Variants in SLC10A7 observed in about 807,000 individuals in gnomAD.
SLC10A7 encodes the protein sodium/bile acid cotransporter 7.
In SLC10A7, 29 loss-of-function variants were observed where a neutral mutation model predicts 43.2. The ratio of observed to expected loss-of-function variants is 0.67; its 90% CI spans 0.50 to 0.92. SLC10A7 has a LOEUF of 0.92. SLC10A7 is among the 40% of genes least tolerant of loss of function. The pLI is 0.00. For synonymous variants in SLC10A7, 152 were observed against 144.8 expected (o/e 1.05, Z -0.35); for missense variants, 295 against 403.2 (o/e 0.73, Z 2.30).
intron 2 of SLC10A7, among the ~76,000 whole-genome samples, chr4:146,511,475 C>T (rs1737456153): frequency 6.6e-6 from 1 of 152,168 alleles, no homozygotes; most frequent in Admixed American, 6.6e-5. Context: ...GATCCTCAGC[C>T]TCAGGGACAT....
intron 5 of SLC10A7, among the ~76,000 whole-genome samples, chr4:146,330,637 C>T (rs1002561895): frequency 3.3e-5 from 5 of 152,122 alleles, no homozygotes; most frequent in African/African-American, 4.8e-5. Flanking sequence ...GGGAAGTCAT[C>T]GCAATTATTA....
intron 4 of SLC10A7, among the ~76,000 whole-genome samples, chr4:146,479,636 G>C (rs1424084281): frequency 6.6e-6 from 1 of 152,060 alleles, no homozygotes; most frequent in Non-Finnish European, 1.5e-5. Context: ...GAGACCAGTT[G>C]TTTAATGAAT....
intron 6 of SLC10A7, among the ~76,000 whole-genome samples, chr4:146,325,681 G>A (rs369785784): frequency 1.3e-3 from 195 of 152,200 alleles, no homozygotes; most frequent in African/African-American, 4.4e-3. Context: ...AAAGAGCAGC[G>A]CAGTTTTTGT....
chr4:146,295,290 A>T (rs1490730130), intron 7 of SLC10A7, among the ~76,000 whole-genome samples: 1 of 152,178 alleles, frequency 6.6e-6, no homozygotes, highest in Non-Finnish European at 1.5e-5. Context: ...TACAGGTACA[A>T]AATCCTGAAG....
chr4:146,355,332 C>T (rs1560828750), intron 5 of SLC10A7, among the ~76,000 whole-genome samples: 2 of 152,138 alleles, frequency 1.3e-5, no homozygotes, highest in South Asian at 2.1e-4. Flanking sequence ...ATCAAAACCA[C>T]TATGAGATAT....
At chr4:146,485,018 A>G (rs1333772566) in intron 4 of SLC10A7, among the ~76,000 whole-genome samples, 1 of 152,228 alleles carries the variant, frequency 6.6e-6, no homozygotes, top group Non-Finnish European at 1.5e-5. Context: ...AACAAACTGT[A>G]TAGACCAATG....
chr4:146,422,866 C>G (rs1729056621), intron 5 of SLC10A7, among the ~76,000 whole-genome samples: 1 of 152,056 alleles, frequency 6.6e-6, no homozygotes, highest in Non-Finnish European at 1.5e-5. Flanking sequence ...GGGAGGTCTT[C>G]CCAACCGCCC....
At chr4:146,256,701 G>A in intron 11 of SLC10A7, 181 bp from the exon 12 acceptor site, 1 of 969,148 alleles carries the variant, frequency 1.0e-6, no homozygotes, top group Non-Finnish European at 1.5e-6. Context: ...TCTCTGGCCA[G>A]CAGACTTTGT....
intron 9 of SLC10A7, 142 bp from the exon 10 acceptor site, chr4:146,283,407 A>G: frequency 1.5e-6 from 1 of 652,736 alleles, no homozygotes; most frequent in Non-Finnish European, 2.7e-6. Flanking sequence ...CCAAATGTAC[A>G]GAAGTGTCTG....
intron 10 of SLC10A7, among the ~76,000 whole-genome samples, chr4:146,280,407 A>AG (rs1330789433): frequency 3.3e-5 from 5 of 152,158 alleles, no homozygotes; most frequent in Admixed American, 3.3e-4. Flanking sequence ...ATTTCCATGC[A>AG]GGGATGTTGA....
intron 4 of SLC10A7, among the ~76,000 whole-genome samples, chr4:146,498,576 T>G (rs1443372416): frequency 2.0e-5 from 3 of 152,132 alleles, no homozygotes; most frequent in Non-Finnish European, 2.9e-5. Context: ...TAAATAACAA[T>G]CACAAATAAG....
intron 4 of SLC10A7, among the ~76,000 whole-genome samples, chr4:146,448,436 T>C (rs1731300815): frequency 6.6e-6 from 1 of 152,078 alleles, no homozygotes; most frequent in Non-Finnish European, 1.5e-5. Context: ...TCTCATCCCT[T>C]TTATAAATGC....
At chr4:146,442,672 A>C in intron 5 of SLC10A7, 111 bp downstream of exon 5, 4 of 1,522,320 alleles carry the variant, frequency 2.6e-6, no homozygotes, top group Non-Finnish European at 3.5e-6. Context: ...AAGATTCAAC[A>C]ATTTTTATAC....
At chr4:146,424,437 G>T (rs1729177892) in intron 5 of SLC10A7, among the ~76,000 whole-genome samples, 1 of 152,110 alleles carries the variant, frequency 6.6e-6, no homozygotes, top group Non-Finnish European at 1.5e-5. Flanking sequence ...AAGGCAGGCG[G>T]ACCACCTGAG....
chr4:146,401,257 C>T (rs1419035296), intron 5 of SLC10A7, among the ~76,000 whole-genome samples: 1 of 152,134 alleles, frequency 6.6e-6, no homozygotes. Flanking sequence ...CCCTTAGTAA[C>T]CCTTAGTGCT....
At chr4:146,341,660 C>A (rs1734271231) in intron 5 of SLC10A7, among the ~76,000 whole-genome samples, 1 of 151,714 alleles carries the variant, frequency 6.6e-6, no homozygotes, top group South Asian at 2.1e-4. Flanking sequence ...GATACAATTC[C>A]AGAAGTCAAG....
At chr4:146,485,875 A>G (rs1734866638) in intron 4 of SLC10A7, among the ~76,000 whole-genome samples, 1 of 152,158 alleles carries the variant, frequency 6.6e-6, no homozygotes, top group South Asian at 2.1e-4. Context: ...AGAGACAATG[A>G]CGAAAGAAAA....
intron 5 of SLC10A7, among the ~76,000 whole-genome samples, chr4:146,348,110 C>T (rs1734753352): frequency 6.6e-6 from 1 of 152,122 alleles, no homozygotes; most frequent in South Asian, 2.1e-4. Context: ...CAAGCTCTAA[C>T]CTCTCTGAAC....
chr4:146,488,789 A>G (rs552592066), intron 4 of SLC10A7, among the ~76,000 whole-genome samples: 103 of 152,230 alleles, frequency 6.8e-4, no homozygotes, highest in Non-Finnish European at 1.3e-3. Context: ...CACAATATAT[A>G]GCCTATTGTG....
Sources: allele counts gnomAD v4.1 joint callset (sites outside exome capture counted in the v4.1 genomes callset), GRCh38; gene constraint gnomAD v4.1.1; transcripts MANE v1.5; gene names NCBI Gene and HGNC (gene_info 2026-07-23, HGNC 2026-07-21).